Variants in APBB2 observed in about 807,000 individuals in gnomAD.
APBB2 encodes the protein Fe65-like 1.
APBB2 carries 38 observed loss-of-function variants against 82.5 expected under a neutral mutation model. The observed-to-expected ratio is 0.46, with a 90% confidence interval of 0.36 to 0.60. The LOEUF (loss-of-function observed/expected upper bound fraction) is 0.60, where lower values mean the gene tolerates loss of function less well. Ranked by LOEUF, APBB2 falls within the 20% of genes least tolerant of loss-of-function variation. The pLI, the probability that APBB2 is intolerant of heterozygous loss-of-function variation, is 0.00. For missense variants in APBB2, 772 were observed against 972.3 expected (o/e 0.79, Z 2.74); for synonymous variants, 341 against 368.2 (o/e 0.93, Z 0.85).
chr4:41,121,866 T>G (rs978702742), intron 2 of APBB2, among the ~76,000 whole-genome samples: 8 of 152,118 alleles, frequency 5.3e-5, no homozygotes, highest in African/African-American at 1.7e-4. Flanking sequence ...TATGGCAACA[T>G]TTTTAATATA....
intron 6 of APBB2, among the ~76,000 whole-genome samples, chr4:41,010,727 TA>T (rs1255808814): frequency 2.0e-5 from 3 of 152,172 alleles, no homozygotes; most frequent in Non-Finnish European, 4.4e-5. Context: ...ACATAATACT[TA>T]AAAAGACTGA....
In APBB2 at chr4:40,907,932, G is replaced by A. The variant is rs542956931; in HGVS notation, c.1255-14521C>T. 2.0e-5 allele frequency among the ~76,000 whole-genome samples: 3 copies of A among 151,742 alleles called. No homozygotes were observed. In the East Asian group the frequency reaches 5.8e-4, roughly 29 times the overall value. On this transcript the variant is annotated intron_variant, in intron 10 of 17. Coordinates refer to ENST00000508593, the MANE Select transcript of APBB2 (RefSeq NM_004307.2). ...CATTTGCTCACCTTGGCCTCCCAAA[G>A]TGCTGGGATTACAGGCGTGAGCCAC...
chr4:41,021,450 A>T, intron 5 of APBB2, among the ~76,000 whole-genome samples: 1 of 152,044 alleles, frequency 6.6e-6, no homozygotes, highest in Admixed American at 6.5e-5. Context: ...ACTCTGTAAA[A>T]ATGCACCAAT....
chr4:41,056,136 C>T (rs1279534649), intron 4 of APBB2, among the ~76,000 whole-genome samples: 2 of 151,886 alleles, frequency 1.3e-5, no homozygotes, highest in Non-Finnish European at 2.9e-5. Flanking sequence ...GCCGAGATCG[C>T]GGCACTGCAC....
At position 40,890,347 on chromosome 4, in the gene APBB2, C is replaced by T. The variant is rs138094448; in HGVS notation, c.1529+17G>A. On this transcript the variant is annotated intron_variant, in intron 12 of 17. Transcript: ENST00000508593. ...ACACGGGTGAGGTGACCCAGACTGCCCCACCCAGGGACTCACCGGCCATTG... is the reference window on the plus strand; with the variant it reads ...ACACGGGTGAGGTGACCCAGACTGCTCCACCCAGGGACTCACCGGCCATTG... 3.1e-6 allele frequency: 5 copies of T among 1,609,104 alleles called. No individual in the cohort carries two copies. The Admixed American group carries it at 8.4e-5, about 27-fold the overall frequency.
At chr4:41,027,359 T>A (rs10032718) in intron 5 of APBB2, among the ~76,000 whole-genome samples, 5 of 139,132 alleles carry the variant, frequency 3.6e-5, no homozygotes, top group South Asian at 2.3e-4. Flanking sequence ...ATAAACATAT[T>A]GTTACATATA....
intron 3 of APBB2, among the ~76,000 whole-genome samples, chr4:41,098,654 G>A (rs990441101): frequency 2.0e-5 from 3 of 152,078 alleles, no homozygotes; most frequent in Non-Finnish European, 2.9e-5. Flanking sequence ...GAATATTTTG[G>A]TATAATGTAA....
At chr4:41,035,760 G>A (rs553182645) in intron 4 of APBB2, among the ~76,000 whole-genome samples, 15 of 152,328 alleles carry the variant, frequency 9.8e-5, no homozygotes, top group African/African-American at 3.6e-4. Flanking sequence ...CATCTGTACT[G>A]AATATGTACA....
Position 40,811,261 on chromosome 4 carries a change from G to T in APBB2, c.*4831C>A, listed in dbSNP as rs1261363806. 6.6e-6 allele frequency: 1 copy of T among 152,174 alleles called. No individual in the cohort carries two copies. The highest frequency in any genetic ancestry group is 1.5e-5 in the Non-Finnish European group (1 of 68,028). 9.4% of individuals were successfully genotyped at this position (152,174 alleles called of 1,614,324 possible). On this transcript the variant is annotated 3_prime_UTR_variant, in exon 18 of 18. Transcript: ENST00000508593. ...ACTTTGGTAGAGTGAAAAGGGAAAAGAATTTTGGATAAAAGCAATATGAGG... is the reference window on the plus strand; with the variant it reads ...ACTTTGGTAGAGTGAAAAGGGAAAATAATTTTGGATAAAAGCAATATGAGG...
chr4:40,839,934 G>C (rs1378480259), intron 12 of APBB2, among the ~76,000 whole-genome samples: 1 of 152,168 alleles, frequency 6.6e-6, no homozygotes, highest in Non-Finnish European at 1.5e-5. Context: ...CAAAGTGCTG[G>C]GATTACAGGC....
chr4:40,996,859 G>A (rs901858489), intron 6 of APBB2, among the ~76,000 whole-genome samples: 1 of 152,044 alleles, frequency 6.6e-6, no homozygotes, highest in East Asian at 1.9e-4. Context: ...TGACCCAATT[G>A]TCCCACAGTG....
At position 41,200,194 on chromosome 4, in the gene APBB2, T is replaced by G. The variant is rs538716617; in HGVS notation, c.-417+14211A>C. ...ATACAGCATTCAAGTCAAAATGCAC[T>G]ATAGAGCAAAGCTGGTCAAAGCAAA... On this transcript the variant is annotated intron_variant, in intron 1 of 17. Coordinates refer to ENST00000508593, the MANE Select transcript of APBB2 (RefSeq NM_004307.2). 2.8e-4 allele frequency among the ~76,000 whole-genome samples: 43 copies of G among 152,334 alleles called. No individual in the cohort carries two copies. The South Asian group carries it at 8.9e-3, about 32-fold the overall frequency.
intron 10 of APBB2, among the ~76,000 whole-genome samples, chr4:40,933,564 C>CA (rs1784727013): frequency 6.6e-6 from 1 of 152,180 alleles, no homozygotes; most frequent in South Asian, 2.1e-4. Flanking sequence ...GCTCCAATCC[C>CA]AAGATACCCA....
At position 41,146,873 on chromosome 4, in the gene APBB2, C is replaced by T. The variant is rs377416884; in HGVS notation, c.-416-3731G>A. On this transcript the variant is annotated intron_variant, in intron 1 of 17. Coordinates refer to ENST00000508593, the MANE Select transcript of APBB2 (RefSeq NM_004307.2). ...AACTGTGAGGCTGCGCATAAAGCCG[C>T]GGCCCGGGCTGATGTGATCTGGCTT... 4.9e-4 allele frequency among the ~76,000 whole-genome samples: 74 copies of T among 152,310 alleles called. 2 individuals carry two copies. The East Asian group carries it at 0.014, about 28-fold the overall frequency.
chr4:40,888,272 G>C (rs1464369729), intron 12 of APBB2, among the ~76,000 whole-genome samples: 1 of 152,202 alleles, frequency 6.6e-6, no homozygotes, highest in Non-Finnish European at 1.5e-5. Flanking sequence ...CAGAGAACTT[G>C]AATAATTTTG....
At chr4:41,015,927 T>G (rs955169261) in intron 5 of APBB2, among the ~76,000 whole-genome samples, 8 of 151,294 alleles carry the variant, frequency 5.3e-5, no homozygotes, top group Non-Finnish European at 1.0e-4. Flanking sequence ...ACAATTAAAT[T>G]AAAAAAAAAC....
intron 3 of APBB2, among the ~76,000 whole-genome samples, chr4:41,070,537 A>G (rs906224973): frequency 2.6e-5 from 4 of 152,092 alleles, no homozygotes; most frequent in African/African-American, 9.7e-5. Flanking sequence ...CCTGACCTCA[A>G]GCGATCCACC....
intron 10 of APBB2, among the ~76,000 whole-genome samples, chr4:40,903,350 C>T (rs1775853461): frequency 6.6e-6 from 1 of 151,988 alleles, no homozygotes; most frequent in Admixed American, 6.6e-5. Flanking sequence ...GCCTGTAATC[C>T]CAGCTATTCG....
At chr4:41,079,127 C>T (rs965000788) in intron 3 of APBB2, among the ~76,000 whole-genome samples, 1 of 152,162 alleles carries the variant, frequency 6.6e-6, no homozygotes, top group East Asian at 1.9e-4. Flanking sequence ...ATGGTCAGCA[C>T]GAACACTAAT....
Sources: gnomAD v4.1 joint callset for allele counts (sites outside exome capture counted in the v4.1 genomes callset) on GRCh38, gnomAD v4.1.1 for gene constraint, MANE v1.5 for transcripts, NCBI Gene and HGNC (gene_info 2026-07-23, HGNC 2026-07-21) for gene names.